HSPA8: variants seen among roughly 807,000 people sequenced by gnomAD.
HSPA8 encodes the protein heat shock cognate 71 kDa protein.
In HSPA8, 2 loss-of-function variants were observed where a neutral mutation model predicts 52.8. The ratio of observed to expected loss-of-function variants is 0.04; its 90% CI spans 0.02 to 0.12. The LOEUF (loss-of-function observed/expected upper bound fraction) is 0.12. Among genes scored for constraint, HSPA8 ranks in the 10% least tolerant of loss-of-function variants. The pLI, the probability that HSPA8 is intolerant of heterozygous loss-of-function variation, is 1.00. For missense variants in HSPA8, 349 were observed against 800.5 expected, an observed-to-expected ratio of 0.44 and a Z score of 6.81; for synonymous variants, 436 against 274.0, an observed-to-expected ratio of 1.59 and a Z score of -5.84.
At chr11:123,058,529 G>T in intron 7 of HSPA8, 45 bp from the exon 8 acceptor site, 2 of 1,587,926 alleles carry the variant, frequency 1.3e-6, no homozygotes, top group Non-Finnish European at 1.7e-6. Context: ...AATTACCTGT[G>T]TATGTGTAAC....
chr11:123,059,146 G>C lies in HSPA8; in HGVS notation c.1236C>G (p.Val412=). 6.2e-7 allele frequency: 1 copy of C among 1,612,048 alleles called. No homozygotes were observed. Among genetic ancestry groups the C allele is most frequent in the Non-Finnish European group, 8.5e-7 (1 of 1,179,856 alleles). ...GIETAGGVMT[V]LIKRNTTIPT... ...GAATGGTGGTATTACGCTTGATGAG[G>C]ACAGTCATGACTCCACCAGCAGTTT... The change falls in exon 6 of 9, where the codon GTC becomes GTG. Residue 412 remains valine, a synonymous_variant. Transcript: ENST00000534624.
At chr11:123,057,942 A>G (rs183091882) in intron 8 of HSPA8, 23 bp from the exon 9 acceptor site, 741 of 1,548,312 alleles carry the variant, frequency 4.8e-4, no homozygotes, top group Admixed American at 1.0e-3. Flanking sequence ...AAAAGGAATT[A>G]CTGCAAGTTC....
In HSPA8 at chr11:123,062,089, A is replaced by T. The variant is rs949730892; in HGVS notation, c.-31T>A. On this transcript the variant is annotated 5_prime_UTR_variant, in exon 1 of 9. Coordinates refer to ENST00000534624, the MANE Select transcript of HSPA8 (RefSeq NM_006597.6). ...CTGGGGTGTAGGCCTGGCTCCAATA[A>T]CGAAGGAAGCCACAAAAAACCCAAG... is the stretch of plus-strand genomic sequence containing the variant. The T allele has an allele frequency of 6.6e-6, 1 of 152,660 alleles. No individual in the cohort carries two copies. The highest frequency in any genetic ancestry group is 2.4e-5 in the African/African-American group (1 of 41,392). The allele number at this position is 152,660 out of a possible 1,614,324, so 9.5% of individuals were successfully genotyped here.
Position 123,057,591 on chromosome 11 carries a change from T to TG in HSPA8, c.*142dup. On this transcript the variant is annotated 3_prime_UTR_variant, in exon 9 of 9. Coordinates refer to ENST00000534624, the MANE Select transcript of HSPA8 (RefSeq NM_006597.6). ...ATGTTATTTCCTTCCCCTGTGCATA[T>TG]GTTCCATATTCAAGTATTGAGAATG... The TG allele has an allele frequency of 1.7e-6, 1 of 595,600 alleles. No homozygotes were observed. The highest frequency in any genetic ancestry group is 4.5e-4 in the Middle Eastern group (1 of 2,212). The allele number at this position is 595,600 out of a possible 1,614,324, so 36.9% of individuals were successfully genotyped here.
chr11:123,061,516 A>T (rs895365382), intron 1 of HSPA8, 187 bp from the exon 2 acceptor site: 1 of 606,940 alleles, frequency 1.6e-6, no homozygotes, highest in South Asian at 2.0e-5. Context: ...TGCCAACCGC[A>T]GCAGAGCACG....
intron 5 of HSPA8, 78 bp downstream of exon 5, chr11:123,059,395 A>G: frequency 1.4e-6 from 2 of 1,405,132 alleles, no homozygotes; most frequent in South Asian, 1.3e-5. Context: ...GGAAACTACG[A>G]ATGTTTAACA....
chr11:123,061,792 T>C, intron 1 of HSPA8: 1 of 165,640 alleles, frequency 6.0e-6, no homozygotes, highest in South Asian at 1.3e-4. Flanking sequence ...GGCAAACCGA[T>C]GCAGCAACCC....
chr11:123,059,722 T>C lies in HSPA8; in HGVS notation c.871A>G (p.Ile291Val), dbSNP rs532778326. Reference sequence around the variant, plus strand: ...CGGGTAATGGAGGTATAGAAGTCGATTCCTTCATAGAGAGAATCGATCTCA... The same window carrying C: ...CGGGTAATGGAGGTATAGAAGTCGACTCCTTCATAGAGAGAATCGATCTCA... ...SIEIDSLYEG[I>V]DFYTSITRAR... The change falls in exon 5 of 9, where the codon ATC becomes GTC. Residue 291 changes from isoleucine to valine, a missense_variant. Transcript: ENST00000534624. 29 of 1,613,778 alleles carry C rather than the reference T, an allele frequency of 1.8e-5. No individual in the cohort carries two copies. Among genetic ancestry groups the C allele is most frequent in the African/African-American group, 2.7e-5 (2 of 74,896 alleles).
rs781139143 is a variant in HSPA8 at position 123,059,464 on chromosome 11, C to T, written c.1120+9G>A. On this transcript the variant is annotated intron_variant, in intron 5 of 8. Transcript: ENST00000534624. The stretch of plus-strand genomic sequence containing the variant: ...CTGCCTTTAGGGTTAATTGAGATAC[C>T]ATTGTTACCTGCACCATAAGCAACA... 1.2e-6 allele frequency: 2 copies of T among 1,607,336 alleles called. No individual in the cohort carries two copies. Among genetic ancestry groups the T allele is most frequent in the Non-Finnish European group, 1.7e-6 (2 of 1,175,952 alleles).
At chr11:123,060,415 G>C (rs1186687763) in intron 3 of HSPA8, 147 bp from the exon 4 acceptor site, 1 of 964,158 alleles carries the variant, frequency 1.0e-6, no homozygotes, top group African/African-American at 1.6e-5. Context: ...AAGATTCACT[G>C]GTTTCTGGTG....
chr11:123,061,591 G>T, intron 1 of HSPA8: 1 of 517,078 alleles, frequency 1.9e-6, no homozygotes, highest in South Asian at 2.1e-5. Context: ...GTCTTACCCC[G>T]AACTGAGCAC....
intron 3 of HSPA8, 118 bp from the exon 4 acceptor site, chr11:123,060,386 A>G: frequency 2.8e-6 from 3 of 1,055,514 alleles, no homozygotes; most frequent in South Asian, 1.4e-5. Flanking sequence ...ACCAAAATGT[A>G]AATTACTGTG....
chr11:123,059,314 A>T, intron 5 of HSPA8, 53 bp from the exon 6 acceptor site: 1 of 1,500,436 alleles, frequency 6.7e-7, no homozygotes, highest in Non-Finnish European at 9.2e-7. Context: ...CCCAGTACAT[A>T]GCTCCTGTTT....
At position 123,060,034 on chromosome 11, in the gene HSPA8, G is replaced by A. The variant is rs762901745; in HGVS notation, c.565-6C>T. 2.4e-5 allele frequency: 38 copies of A among 1,613,808 alleles called. No homozygotes were observed. The highest frequency in any genetic ancestry group is 2.3e-4 in the South Asian group (21 of 91,086). ...ACGTTTCTTTCTGCTCCAACCTGCC[G>A]TTAAAAACAATCTCATTTAAATTTA... is the stretch of plus-strand genomic sequence containing the variant. On this transcript the variant is annotated splice_region_variant and splice_polypyrimidine_tract_variant and intron_variant, in intron 4 of 8. Coordinates refer to ENST00000534624, the MANE Select transcript of HSPA8 (RefSeq NM_006597.6).
At chr11:123,058,000 A>G (rs1179511616) in intron 8 of HSPA8, 81 bp from the exon 9 acceptor site, 65 of 1,174,350 alleles carry the variant, frequency 5.5e-5, no homozygotes, top group Non-Finnish European at 6.9e-5. Context: ...TCTGATACTA[A>G]AAGTCTGGCG....
At position 123,059,188 on chromosome 11, in the gene HSPA8, A is replaced by G; in HGVS notation, c.1194T>C (p.Pro398=). Residue 398 remains proline (P), a synonymous_variant, in exon 6 of 9, where the codon CCT becomes CCC. Coordinates refer to ENST00000534624, the MANE Select transcript of HSPA8 (RefSeq NM_006597.6). The part of the protein sequence containing the change: ...VQDLLLLDVT[P]LSLGIETAGG... The stretch of plus-strand genomic sequence containing the variant: ...CAGCAGTTTCAATACCAAGGGAAAG[A>G]GGAGTGACATCCAAGAGCAGCAAAT... 3 of 1,612,264 alleles carry G rather than the reference A, an allele frequency of 1.9e-6. No individual in the cohort carries two copies. In the South Asian group the frequency reaches 3.3e-5, roughly 18 times the overall value.
At position 123,061,328 on chromosome 11, in the gene HSPA8, T is replaced by G; in HGVS notation, c.-4A>C. 6.2e-7 allele frequency: 1 copy of G among 1,611,518 alleles called. No individual in the cohort carries two copies. The highest frequency in any genetic ancestry group is 2.2e-5 in the East Asian group (1 of 44,876). On this transcript the variant is annotated splice_region_variant and 5_prime_UTR_variant, in exon 2 of 9. Coordinates refer to ENST00000534624, the MANE Select transcript of HSPA8 (RefSeq NM_006597.6). ...CAACTGCAGGTCCCTTGGACATGGTTGCTGAAAAAAAGAAAAATCTGGTTT... is the reference window on the plus strand; with the variant it reads ...CAACTGCAGGTCCCTTGGACATGGTGGCTGAAAAAAAGAAAAATCTGGTTT...
rs1555074467 is a variant in HSPA8, at chr11:123,059,400, T to TTAACAA, written c.1120+67_1120+72dup. On this transcript the variant is annotated intron_variant, in intron 5 of 8. Transcript: ENST00000534624. ...AGCTTTTGGTGGAAACTACGAATGT[T>TTAACAA]TAACAATCACTCATCACAGCGAGTC... 116 of 1,428,066 alleles carry TTAACAA rather than the reference T, an allele frequency of 8.1e-5. No individual in the cohort carries two copies. In the South Asian group the frequency reaches 1.1e-3, roughly 13 times the overall value. The allele number at this position is 1,428,066 out of a possible 1,614,324, so 88.5% of individuals were successfully genotyped here. A position where few individuals can be genotyped will look rare whatever the true frequency, so the allele number is the denominator to read the frequency against.
chr11:123,060,239 T>C lies in HSPA8; in HGVS notation c.441A>G (p.Pro147=). The change falls in exon 4 of 9, where the codon CCA becomes CCG. Residue 147 remains proline, a synonymous_variant. Coordinates refer to ENST00000534624, the MANE Select transcript of HSPA8 (RefSeq NM_006597.6). ...KTVTNAVVTV[P]AYFNDSQRQA... is the part of the protein sequence containing the mutation. ...GACGCTGAGAGTCATTAAAGTAAGC[T>C]GGCACTGTGACCACAGCATTGGTAA... is the stretch of plus-strand genomic sequence containing the variant. The C allele has an allele frequency of 6.2e-7, 1 of 1,613,900 alleles. No homozygotes were observed. The highest frequency in any genetic ancestry group is 8.5e-7 in the Non-Finnish European group (1 of 1,179,984).
Sources: gnomAD v4.1 joint callset for allele counts on GRCh38, gnomAD v4.1.1 for gene constraint, MANE v1.5 for transcripts, NCBI Gene and HGNC (gene_info 2026-07-23, HGNC 2026-07-21) for gene names.